The following LRRC40 variants were observed in gnomAD, a reference collection of about 807,000 sequenced individuals.
The protein encoded by LRRC40 is leucine rich repeat containing 40.
LRRC40 carries 76 observed loss-of-function variants against 72.8 expected under a neutral mutation model. The ratio of observed to expected loss-of-function variants is 1.04; its 90% CI spans 0.87 to 1.26. The LOEUF (loss-of-function observed/expected upper bound fraction) is 1.26. LRRC40 is among the 50% of genes most tolerant of loss of function. LRRC40 has a pLI of 0.00. For missense variants in LRRC40, 684 were observed against 698.9 expected, an observed-to-expected ratio of 0.98 and a Z score of 0.24; for synonymous variants, 243 against 254.2, an observed-to-expected ratio of 0.96 and a Z score of 0.42.
At position 70,188,366 on chromosome 1, in the gene LRRC40, TA is replaced by T. The variant is rs148914016; in HGVS notation, c.333+725del. Among the ~76,000 whole-genome samples the T allele has an allele frequency of 8.4e-3, 1,282 of 152,302 alleles. 19 individuals are homozygous for T. Among genetic ancestry groups the T allele is most frequent in the African/African-American group, 0.029 (1,215 of 41,564 alleles). On this transcript the variant is annotated intron_variant, in intron 2 of 14. Coordinates refer to ENST00000370952, the MANE Select transcript of LRRC40 (RefSeq NM_017768.5). ...CACAAAAAAATTAAGTTCAATAATT[TA>T]ACTCAATGAGGTTGAAGGCAAGTAA...
intron 1 of LRRC40, among the ~76,000 whole-genome samples, chr1:70,199,262 A>T (rs1668682957): frequency 7.0e-6 from 1 of 142,260 alleles, no homozygotes; most frequent in Non-Finnish European, 1.5e-5. Context: ...CAGTATTAGA[A>T]GAAAAACCTC....
chr1:70,154,451 G>A (rs943067968), intron 11 of LRRC40, among the ~76,000 whole-genome samples: 5 of 152,002 alleles, frequency 3.3e-5, no homozygotes, highest in Non-Finnish European at 7.4e-5. Context: ...AGGACCCCCC[G>A]CCCAAAGCAA....
chr1:70,197,476 A>G (rs1327128811), intron 1 of LRRC40, among the ~76,000 whole-genome samples: 1 of 151,882 alleles, frequency 6.6e-6, no homozygotes, highest in Non-Finnish European at 1.5e-5. Flanking sequence ...ACAGGGTCTC[A>G]TTATGTTGCC....
At chr1:70,170,006 TCAA>T (rs1229241762) in intron 9 of LRRC40, among the ~76,000 whole-genome samples, 3 of 151,904 alleles carry the variant, frequency 2.0e-5, no homozygotes, top group African/African-American at 7.3e-5. Context: ...TCTCAAATTC[TCAA>T]CAAAACACTA....
intron 1 of LRRC40, among the ~76,000 whole-genome samples, chr1:70,192,993 GAAT>G (rs1298358321): frequency 2.6e-5 from 4 of 151,880 alleles, no homozygotes; most frequent in Non-Finnish European, 5.9e-5. Flanking sequence ...CAGTATAATG[GAAT>G]AAAACTCAAT....
chr1:70,156,444 C>T (rs949663720), intron 10 of LRRC40, among the ~76,000 whole-genome samples: 5 of 152,068 alleles, frequency 3.3e-5, no homozygotes, highest in African/African-American at 9.7e-5. Context: ...AGTTCTGTGA[C>T]ATTAGAATCT....
At chr1:70,177,205 G>A (rs577932831) in intron 6 of LRRC40, among the ~76,000 whole-genome samples, 14 of 152,264 alleles carry the variant, frequency 9.2e-5, no homozygotes, top group African/African-American at 3.1e-4. Flanking sequence ...GAACTCGTGA[G>A]GCGGAGGTTG....
chr1:70,188,047 T>C (rs926465300), intron 2 of LRRC40, among the ~76,000 whole-genome samples: 2 of 152,140 alleles, frequency 1.3e-5, no homozygotes, highest in African/African-American at 4.8e-5. Flanking sequence ...ATACAAAAAT[T>C]ATATGAGAAA....
intron 4 of LRRC40, among the ~76,000 whole-genome samples, chr1:70,181,676 C>T (rs1279441602): frequency 2.0e-5 from 3 of 151,848 alleles, no homozygotes; most frequent in Non-Finnish European, 2.9e-5. Flanking sequence ...AAAAAAACGG[C>T]CATTCAAATT....
chr1:70,176,063 T>A, intron 6 of LRRC40, 81 bp from the exon 7 acceptor site: 1 of 754,306 alleles, frequency 1.3e-6, no homozygotes, highest in Non-Finnish European at 2.0e-6. Context: ...TAGGTACTCT[T>A]AATTTCAAGT....
chr1:70,193,985 A>G (rs963484424), intron 1 of LRRC40, among the ~76,000 whole-genome samples: 1 of 152,110 alleles, frequency 6.6e-6, no homozygotes, highest in Non-Finnish European at 1.5e-5. Context: ...CACCATACTT[A>G]ATGGTGGAAG....
intron 1 of LRRC40, among the ~76,000 whole-genome samples, chr1:70,198,692 C>A (rs868750830): frequency 6.6e-6 from 1 of 151,822 alleles, no homozygotes; most frequent in Non-Finnish European, 1.5e-5. Flanking sequence ...TTAAAAATTG[C>A]GAACAAAATT....
At chr1:70,197,395 C>T (rs1015075532) in intron 1 of LRRC40, among the ~76,000 whole-genome samples, 5 of 151,804 alleles carry the variant, frequency 3.3e-5, no homozygotes, top group Non-Finnish European at 5.9e-5. Flanking sequence ...CTCCTGCCTC[C>T]GTCTTCCAAG....
At chr1:70,160,857 A>T (rs1309916061) in intron 9 of LRRC40, among the ~76,000 whole-genome samples, 2 of 152,110 alleles carry the variant, frequency 1.3e-5, no homozygotes, top group Admixed American at 6.5e-5. Flanking sequence ...CATAATTTTT[A>T]AAAACATCAA....
chr1:70,149,728 T>A, intron 13 of LRRC40, among the ~76,000 whole-genome samples: 1 of 152,072 alleles, frequency 6.6e-6, no homozygotes, highest in Non-Finnish European at 1.5e-5. Context: ...GGACAAGTAA[T>A]GGAGCAGACA....
rs76043416 is a variant in LRRC40 at position 70,158,163 on chromosome 1, G to A, written c.1220+1167C>T. 3.7e-3 allele frequency among the ~76,000 whole-genome samples: 517 copies of A among 139,060 alleles called. 7 individuals are homozygous for A. Among genetic ancestry groups the A allele is most frequent in the African/African-American group, 0.013 (495 of 37,588 alleles). The allele number at this position is 139,060 out of a possible 152,430, so 91.2% of individuals were successfully genotyped here. A position where few individuals can be genotyped will look rare whatever the true frequency, so the allele number is the denominator to read the frequency against. ...CATGCTCTGTAAGAAAGAGTCAAAT[G>A]TAAGTACAGAAGAGTGCTACCTGTG... On this transcript the variant is annotated intron_variant, in intron 10 of 14. Coordinates refer to ENST00000370952, the MANE Select transcript of LRRC40 (RefSeq NM_017768.5).
In LRRC40 at chr1:70,194,140, G is replaced by T. The variant is rs114409546; in HGVS notation, c.152-4867C>A. Among the ~76,000 whole-genome samples the T allele has an allele frequency of 4.3e-3, 658 of 152,078 alleles. 4 individuals carry two copies. Among genetic ancestry groups the T allele is most frequent in the African/African-American group, 0.015 (615 of 41,512 alleles). ...AAAAGAAACAAAAGGCATTCAGATT[G>T]GACAAGAAGTAAAACTGTCCCAATT... On this transcript the variant is annotated intron_variant, in intron 1 of 14. Transcript: ENST00000370952.
intron 10 of LRRC40, 32 bp downstream of exon 10, chr1:70,159,298 T>G: frequency 9.6e-7 from 1 of 1,038,460 alleles, no homozygotes; most frequent in Non-Finnish European, 1.4e-6. Flanking sequence ...ACCCTATCTC[T>G]ATAAAAATAA....
chr1:70,146,970 T>C (rs1571424133), intron 14 of LRRC40: 1 of 136,096 alleles, frequency 7.3e-6, no homozygotes, highest in African/African-American at 2.5e-5. Context: ...AAATTATATC[T>C]TCAAATATTT....
Sources: gnomAD v4.1 joint callset for allele counts (sites outside exome capture counted in the v4.1 genomes callset) on GRCh38, gnomAD v4.1.1 for gene constraint, MANE v1.5 for transcripts, NCBI Gene and HGNC (gene_info 2026-07-23, HGNC 2026-07-21) for gene names.